Variants in SLC35F4 observed in about 807,000 individuals in gnomAD.
SLC35F4 encodes solute carrier family 35 member F4, also known as chromosome 14 open reading frame 36.
Under a neutral mutation model 44.2 loss-of-function variants are expected in SLC35F4, and 24 were observed. The observed-to-expected ratio is 0.54, with a 90% CI of 0.39 to 0.76. The LOEUF (loss-of-function observed/expected upper bound fraction) is 0.76. SLC35F4 is among the 30% of genes least tolerant of loss of function. The probability of loss-of-function intolerance (pLI) is 0.00; values close to 1 mark genes in which losing one functional copy is unlikely to be tolerated. For synonymous variants in SLC35F4, 238 were observed against 223.6 expected (o/e 1.06, Z -0.57); for missense variants, 562 against 586.1 (o/e 0.96, Z 0.42).
chr14:57,660,735 GCC>G, intron 1 of SLC35F4, among the ~76,000 whole-genome samples: 1 of 152,152 alleles, frequency 6.6e-6, no homozygotes, highest in South Asian at 2.1e-4. Flanking sequence ...CTGAGAAAAG[GCC>G]CACACGGCAA....
chr14:57,679,700 T>C (rs1304747337), intron 1 of SLC35F4, among the ~76,000 whole-genome samples: 2 of 151,970 alleles, frequency 1.3e-5, no homozygotes, highest in Non-Finnish European at 2.9e-5. Context: ...ATATCTCCAC[T>C]GATCCCACAG....
chr14:57,630,025 C>G (rs1358982026), intron 1 of SLC35F4: 7 of 534,424 alleles, frequency 1.3e-5, no homozygotes, highest in Non-Finnish European at 2.3e-5. Flanking sequence ...TGTGTATGTT[C>G]CGCTTGATTT....
chr14:57,857,500 T>G (rs1003696250), intron 1 of SLC35F4, among the ~76,000 whole-genome samples: 2 of 152,112 alleles, frequency 1.3e-5, no homozygotes, highest in Non-Finnish European at 2.9e-5. Context: ...TCTTTTTCTG[T>G]GTGAAAATAA....
intron 1 of SLC35F4, among the ~76,000 whole-genome samples, chr14:57,728,741 G>A (rs753538268): frequency 2.0e-5 from 3 of 151,964 alleles, no homozygotes; most frequent in South Asian, 2.1e-4. Flanking sequence ...GGGATTACAC[G>A]CATGAGCCAC....
chr14:57,786,585 C>G (rs1260217768), intron 1 of SLC35F4, among the ~76,000 whole-genome samples: 3 of 152,172 alleles, frequency 2.0e-5, no homozygotes, highest in African/African-American at 7.2e-5. Context: ...TGGTTCACAT[C>G]ACAGGACTCT....
chr14:57,584,056 AAGCATATTTTATAGG>A (rs2069505407), intron 3 of SLC35F4, among the ~76,000 whole-genome samples: 1 of 86,912 alleles, frequency 1.2e-5, no homozygotes, highest in Non-Finnish European at 2.4e-5. Context: ...ATTTTATAGT[AAGCATATTTTATAGG>A]TGCCTGACAT....
intron 1 of SLC35F4, among the ~76,000 whole-genome samples, chr14:57,816,001 CA>C (rs1566877493): frequency 6.6e-6 from 1 of 152,108 alleles, no homozygotes; most frequent in African/African-American, 2.4e-5. Context: ...GCCAAGCTTT[CA>C]AAAAAGAAGG....
intron 1 of SLC35F4, among the ~76,000 whole-genome samples, chr14:57,644,981 T>A (rs1443270514): frequency 2.6e-5 from 4 of 152,208 alleles, no homozygotes; most frequent in Non-Finnish European, 4.4e-5. Context: ...TTGGTCTATA[T>A]CTCTGTTGTG....
intron 1 of SLC35F4, among the ~76,000 whole-genome samples, chr14:57,636,814 T>C (rs747533844): frequency 6.6e-6 from 1 of 152,126 alleles, no homozygotes; most frequent in Non-Finnish European, 1.5e-5. Context: ...AGTTTTCTAT[T>C]TGCAAAATCT....
chr14:57,762,976 G>T (rs2077158676), intron 1 of SLC35F4, among the ~76,000 whole-genome samples: 1 of 152,050 alleles, frequency 6.6e-6, no homozygotes, highest in Admixed American at 6.5e-5. Context: ...AGAAAAGAGA[G>T]CCCCAACACT....
At chr14:57,730,792 TCAAGGAAG>T (rs2076324787) in intron 1 of SLC35F4, among the ~76,000 whole-genome samples, 1 of 3,646 alleles carries the variant, frequency 2.7e-4, no homozygotes, top group Non-Finnish European at 5.2e-3. Context: ...CATAAGTCTG[TCAAGGAAG>T]TCTGTCAAGG....
intron 1 of SLC35F4, among the ~76,000 whole-genome samples, chr14:57,692,917 T>C (rs1244231456): frequency 6.6e-6 from 1 of 152,154 alleles, no homozygotes; most frequent in Non-Finnish European, 1.5e-5. Context: ...ACAAGTCCAT[T>C]TAGATCAGTG....
intron 1 of SLC35F4, among the ~76,000 whole-genome samples, chr14:57,765,019 T>C (rs1179775936): frequency 1.3e-5 from 2 of 152,196 alleles, no homozygotes; most frequent in Admixed American, 6.6e-5. Flanking sequence ...GAAATATACA[T>C]TGAGTGCCAA....
intron 4 of SLC35F4, among the ~76,000 whole-genome samples, chr14:57,576,992 C>T (rs1015597115): frequency 2.6e-5 from 4 of 152,100 alleles, no homozygotes; most frequent in African/African-American, 7.2e-5. Context: ...ATTGTCCTGC[C>T]AAGATAGGGG....
At chr14:57,756,961 CT>C (rs1344559850) in intron 1 of SLC35F4, among the ~76,000 whole-genome samples, 1 of 152,120 alleles carries the variant, frequency 6.6e-6, no homozygotes, top group Non-Finnish European at 1.5e-5. Flanking sequence ...CATACTCAGC[CT>C]TGTTCTATCA....
intron 1 of SLC35F4, among the ~76,000 whole-genome samples, chr14:57,850,946 G>T (rs914519143): frequency 5.9e-5 from 9 of 152,202 alleles, no homozygotes; most frequent in Admixed American, 5.9e-4. Flanking sequence ...AATTCAACTT[G>T]TAGGATCAGG....
chr14:57,655,147 G>T (rs968948681), intron 1 of SLC35F4, among the ~76,000 whole-genome samples: 4 of 152,034 alleles, frequency 2.6e-5, no homozygotes, highest in African/African-American at 2.4e-5. Flanking sequence ...AGAACTGAGA[G>T]CCATCTCATA....
chr14:57,694,497 C>T (rs1464389728), intron 1 of SLC35F4, among the ~76,000 whole-genome samples: 1 of 152,038 alleles, frequency 6.6e-6, no homozygotes, highest in Non-Finnish European at 1.5e-5. Flanking sequence ...ATATTATTCC[C>T]TTGTATGACT....
intron 1 of SLC35F4, among the ~76,000 whole-genome samples, chr14:57,738,561 A>G (rs2076522428): frequency 6.6e-6 from 1 of 151,938 alleles, no homozygotes; most frequent in African/African-American, 2.4e-5. Flanking sequence ...GGTATAGATT[A>G]TATAATACAT....
Sources: allele counts gnomAD v4.1 joint callset (sites outside exome capture counted in the v4.1 genomes callset), GRCh38; gene constraint gnomAD v4.1.1; transcripts MANE v1.5; gene names NCBI Gene and HGNC (gene_info 2026-07-23, HGNC 2026-07-21).